The following GPC5 variants were observed in gnomAD, a reference collection of about 807,000 sequenced individuals.
GPC5 encodes the protein glypican 5.
In GPC5, 47 loss-of-function variants were observed where a neutral mutation model predicts 53.9. The ratio of observed to expected loss-of-function variants is 0.87; its 90% confidence interval spans 0.69 to 1.11. The LOEUF is 1.11. Among genes scored for constraint, GPC5 ranks in the 50% most tolerant of loss-of-function variants. The pLI, the probability that GPC5 is intolerant of heterozygous loss-of-function variation, is 0.00. For synonymous variants in GPC5, 286 were observed against 263.3 expected (o/e 1.09, Z -0.84); for missense variants, 748 against 713.1 (o/e 1.05, Z -0.56).
At chr13:92,267,226 T>A (rs9523565) in intron 7 of GPC5, among the ~76,000 whole-genome samples, 17,526 of 152,072 alleles carry the variant, frequency 0.12, 1,268 homozygotes, top group African/African-American at 0.21. Flanking sequence ...TTATTTTACC[T>A]CCCTAGTCTT....
intron 5 of GPC5, among the ~76,000 whole-genome samples, chr13:91,759,703 G>A (rs1484325525): frequency 1.3e-5 from 2 of 148,602 alleles, no homozygotes; most frequent in African/African-American, 5.0e-5. Context: ...AATTTAGAAT[G>A]AGATTTTTTT....
intron 6 of GPC5, among the ~76,000 whole-genome samples, chr13:92,048,588 G>A (rs2041002401): frequency 6.6e-6 from 1 of 152,168 alleles, no homozygotes; most frequent in African/African-American, 2.4e-5. Context: ...AAAACTCATA[G>A]TGTTCACTTT....
At chr13:92,214,440 C>T (rs2042396119) in intron 7 of GPC5, among the ~76,000 whole-genome samples, 1 of 152,192 alleles carries the variant, frequency 6.6e-6, no homozygotes, top group Admixed American at 6.5e-5. Context: ...TGAACACTAA[C>T]CTCTGAGCCT....
chr13:92,316,408 G>A (rs1208012040), intron 7 of GPC5, among the ~76,000 whole-genome samples: 3 of 152,028 alleles, frequency 2.0e-5, no homozygotes, highest in Non-Finnish European at 4.4e-5. Flanking sequence ...TTAGCTTCTA[G>A]CATTAAGCAG....
chr13:92,150,891 T>TA (rs5805730), intron 7 of GPC5, among the ~76,000 whole-genome samples: 1,659 of 144,978 alleles, frequency 0.011, 25 homozygotes, highest in African/African-American at 0.035. Flanking sequence ...ATAGAGGAAG[T>TA]AAAAAAAAAA....
At chr13:92,253,471 GA>G (rs1227332329) in intron 7 of GPC5, among the ~76,000 whole-genome samples, 1 of 152,046 alleles carries the variant, frequency 6.6e-6, no homozygotes, top group Non-Finnish European at 1.5e-5. Flanking sequence ...GAGATAGAAT[GA>G]AAATAAATTA....
intron 7 of GPC5, among the ~76,000 whole-genome samples, chr13:92,334,102 G>A (rs973162458): frequency 9.2e-5 from 14 of 152,258 alleles, no homozygotes; most frequent in East Asian, 3.9e-4. Flanking sequence ...ATAGTCAATC[G>A]CCTTCTGTAT....
chr13:91,743,562 G>A (rs917383502), intron 4 of GPC5, among the ~76,000 whole-genome samples: 6 of 152,060 alleles, frequency 3.9e-5, no homozygotes, highest in Non-Finnish European at 7.4e-5. Context: ...TATAATAGGG[G>A]AAAATGGGAA....
At chr13:92,393,470 C>T (rs11842834) in intron 7 of GPC5, among the ~76,000 whole-genome samples, 75,956 of 151,794 alleles carry the variant, frequency 0.5, 19,293 homozygotes, top group East Asian at 0.54. Flanking sequence ...GCCAACATGG[C>T]GAAACCCTGT....
At chr13:92,340,518 C>G (rs2139247654) in intron 7 of GPC5, 1 of 152,234 alleles carries the variant, frequency 6.6e-6, no homozygotes, top group East Asian at 1.9e-4. Flanking sequence ...TGCCACTGCT[C>G]CTGGCTTTGA....
At chr13:92,820,143 C>CCTAT (rs1877625701) in intron 7 of GPC5, among the ~76,000 whole-genome samples, 2 of 152,136 alleles carry the variant, frequency 1.3e-5, no homozygotes, top group South Asian at 4.1e-4. Flanking sequence ...CTGCCTAGTG[C>CCTAT]CTATCTCTTT....
chr13:92,602,241 T>TAA (rs1566314142), intron 7 of GPC5, among the ~76,000 whole-genome samples: 2 of 127,410 alleles, frequency 1.6e-5, no homozygotes, highest in African/African-American at 5.8e-5. Context: ...AACATATATA[T>TAA]ATATATATAT....
chr13:92,603,211 C>T (rs1017261810), intron 7 of GPC5, among the ~76,000 whole-genome samples: 5 of 152,118 alleles, frequency 3.3e-5, no homozygotes, highest in African/African-American at 1.2e-4. Flanking sequence ...GGCCAAAGAC[C>T]AGTCATGAAA....
intron 6 of GPC5, chr13:91,994,684 G>A (rs958799196): frequency 6.6e-6 from 1 of 152,150 alleles, no homozygotes; most frequent in African/African-American, 2.4e-5. Flanking sequence ...GATCACCAGA[G>A]CAACAGAACA....
chr13:92,750,796 T>A lies in GPC5; in HGVS notation c.1562-115486T>A, dbSNP rs1889366697. On this transcript the variant is annotated intron_variant, in intron 7 of 7. Transcript: ENST00000377067. ...AAAGGCTGCGTGGAGAGTCATGTAA[T>A]TGTATCTTCCCTCTCAGAGACCTGA... 2.6e-5 allele frequency among the ~76,000 whole-genome samples: 4 copies of A among 152,334 alleles called. 1 individual carries two copies. In the South Asian group the frequency reaches 8.3e-4, roughly 32 times the overall value.
chr13:92,165,236 G>A (rs1229662671), intron 7 of GPC5, among the ~76,000 whole-genome samples: 1 of 152,114 alleles, frequency 6.6e-6, no homozygotes, highest in African/African-American at 2.4e-5. Flanking sequence ...TGGATCATCA[G>A]GCTGCAAATT....
chr13:91,621,293 A>G (rs1190436784), intron 2 of GPC5, among the ~76,000 whole-genome samples: 2 of 152,106 alleles, frequency 1.3e-5, no homozygotes, highest in Non-Finnish European at 2.9e-5. Context: ...TGCCTGCCTC[A>G]TACCCATGTC....
intron 7 of GPC5, among the ~76,000 whole-genome samples, chr13:92,590,835 T>C (rs1017761281): frequency 3.9e-5 from 6 of 152,218 alleles, no homozygotes; most frequent in African/African-American, 1.4e-4. Flanking sequence ...CCCTTTTGAA[T>C]AGTTCTCCCT....
chr13:92,260,440 G>A (rs2042758148), intron 7 of GPC5, among the ~76,000 whole-genome samples: 1 of 152,152 alleles, frequency 6.6e-6, no homozygotes, highest in Non-Finnish European at 1.5e-5. Flanking sequence ...GTACTATCAT[G>A]GCAGCACAAG....
Sources: gnomAD v4.1 joint callset for allele counts (sites outside exome capture counted in the v4.1 genomes callset) on GRCh38, gnomAD v4.1.1 for gene constraint, MANE v1.5 for transcripts, NCBI Gene and HGNC (gene_info 2026-07-23, HGNC 2026-07-21) for gene names.